PTPRD: variants seen among roughly 807,000 people sequenced by gnomAD.
PTPRD encodes the protein receptor-type tyrosine-protein phosphatase delta.
PTPRD carries 34 observed loss-of-function variants against 214.5 expected under a neutral mutation model. The observed-to-expected ratio is 0.16, with a 90% CI of 0.12 to 0.21. The LOEUF is 0.21. Ranked by LOEUF, PTPRD falls within the 10% of genes least tolerant of loss-of-function variation. The pLI is 1.00. For synonymous variants in PTPRD, 1,128 were observed against 845.7 expected (o/e 1.33, Z -5.79); for missense variants, 2,545 against 2,398.7 (o/e 1.06, Z -1.27).
chr9:9,370,780 C>A (rs1042615139), intron 9 of PTPRD, among the ~76,000 whole-genome samples: 206 of 150,432 alleles, frequency 1.4e-3, no homozygotes, highest in African/African-American at 4.6e-3. Context: ...TTTTGAGATA[C>A]GTCCCATCAA....
intron 11 of PTPRD, among the ~76,000 whole-genome samples, chr9:8,927,124 A>G (rs867417103): frequency 2.0e-5 from 3 of 152,204 alleles, no homozygotes; most frequent in Non-Finnish European, 4.4e-5. Context: ...CATAAAAAAA[A>G]GGCAAAATTC....
intron 5 of PTPRD, among the ~76,000 whole-genome samples, chr9:9,777,567 A>T (rs1338568544): frequency 1.3e-5 from 2 of 152,044 alleles, no homozygotes; most frequent in Non-Finnish European, 2.9e-5. Flanking sequence ...TTATGGTGGC[A>T]CATGCCTGTT....
intron 5 of PTPRD, among the ~76,000 whole-genome samples, chr9:9,928,037 A>G (rs920017972): frequency 6.6e-6 from 1 of 152,152 alleles, no homozygotes; most frequent in Non-Finnish European, 1.5e-5. Context: ...ACTCTGCTTC[A>G]TGTGAACAAC....
chr9:8,919,344 G>C (rs184929346), intron 11 of PTPRD, among the ~76,000 whole-genome samples: 1 of 148,826 alleles, frequency 6.7e-6, no homozygotes, highest in East Asian at 2.0e-4. Context: ...GTGAGCCGAG[G>C]CTATGCCACT....
rs2093133995 is a variant in PTPRD at position 8,748,535 on chromosome 9, A to AAAAAG, written c.-103-14590_-103-14589insCTTTT. On this transcript the variant is annotated intron_variant, in intron 11 of 45. Transcript: ENST00000381196. ...ATCCTGCAACTGCAAAAAAAAAAAA[A>AAAAAG]AAAAAGAAAAAGAAAAAGAAAAAGA... Among the ~76,000 whole-genome samples, 3 of 122,300 alleles carry AAAAAG rather than the reference A, an allele frequency of 2.5e-5. 1 individual carries two copies. Among genetic ancestry groups the AAAAAG allele is most frequent in the African/African-American group, 6.3e-5 (2 of 31,808 alleles). 80.2% of individuals were successfully genotyped at this position (122,300 alleles called of 152,430 possible). A position where few individuals can be genotyped will look rare whatever the true frequency, so the allele number is the denominator to read the frequency against.
At chr9:9,713,828 T>A (rs1405588920) in intron 7 of PTPRD, among the ~76,000 whole-genome samples, 1 of 152,122 alleles carries the variant, frequency 6.6e-6, no homozygotes, top group East Asian at 1.9e-4. Context: ...ATGTTACAAT[T>A]CAGGGCTTTG....
intron 12 of PTPRD, among the ~76,000 whole-genome samples, chr9:8,665,986 C>G (rs1485487914): frequency 6.6e-6 from 1 of 150,782 alleles, no homozygotes; most frequent in Admixed American, 6.6e-5. Flanking sequence ...AACTAAAGAA[C>G]TGAACAATTA....
chr9:9,207,518 C>T (rs547413403), intron 9 of PTPRD, among the ~76,000 whole-genome samples: 99 of 152,188 alleles, frequency 6.5e-4, no homozygotes, highest in African/African-American at 2.3e-3. Context: ...ACTGACAAAA[C>T]TCCCAAAATC....
chr9:10,562,811 A>G (rs961244616), intron 2 of PTPRD, among the ~76,000 whole-genome samples: 8 of 152,176 alleles, frequency 5.3e-5, no homozygotes, highest in African/African-American at 1.9e-4. Context: ...TCATGTGACT[A>G]TAAGCACATT....
In PTPRD at chr9:8,627,873, C is replaced by G. The variant is rs1178227365; in HGVS notation, c.352+5444G>C. 2.0e-5 allele frequency among the ~76,000 whole-genome samples: 3 copies of G among 151,828 alleles called. No homozygotes were observed. In the South Asian group the frequency reaches 6.2e-4, roughly 32 times the overall value. On this transcript the variant is annotated intron_variant, in intron 14 of 45. Coordinates refer to ENST00000381196, the MANE Select transcript of PTPRD (RefSeq NM_002839.4). ...AGATTACACCAACGAAAGTCAGGAG[C>G]GTCTGTTCACTTAAAGTGGCTCTGC...
intron 11 of PTPRD, among the ~76,000 whole-genome samples, chr9:8,946,245 G>A (rs1451208973): frequency 2.0e-5 from 3 of 152,046 alleles, no homozygotes; most frequent in Admixed American, 2.0e-4. Context: ...TTTAGTGTCA[G>A]TTTGTATTCT....
At chr9:9,934,810 T>G (rs2088508354) in intron 5 of PTPRD, among the ~76,000 whole-genome samples, 1 of 151,976 alleles carries the variant, frequency 6.6e-6, no homozygotes, top group South Asian at 2.1e-4. Context: ...TGATGAATAT[T>G]GATGCAAAAA....
At position 9,608,578 on chromosome 9, in the gene PTPRD, A is replaced by G. The variant is rs556051703; in HGVS notation, c.-286-33797T>C. ...TCTAACCAACTATTTAGTGAATAGA[A>G]GGTAGACATGTAGAAGAACAAAATG... On this transcript the variant is annotated intron_variant, in intron 7 of 45. Coordinates refer to ENST00000381196, the MANE Select transcript of PTPRD (RefSeq NM_002839.4). Among the ~76,000 whole-genome samples the G allele has an allele frequency of 2.0e-5, 3 of 152,332 alleles. No homozygotes were observed. In the East Asian group the frequency reaches 5.8e-4, roughly 29 times the overall value.
At chr9:10,343,567 G>A (rs893520879) in intron 2 of PTPRD, among the ~76,000 whole-genome samples, 2 of 152,058 alleles carry the variant, frequency 1.3e-5, no homozygotes, top group African/African-American at 4.8e-5. Flanking sequence ...TCTTCCACAT[G>A]ATTGAACTAA....
intron 9 of PTPRD, among the ~76,000 whole-genome samples, chr9:9,309,168 G>A (rs561151700): frequency 1.3e-5 from 2 of 151,354 alleles, no homozygotes; most frequent in South Asian, 2.1e-4. Flanking sequence ...TGTCTAAGAT[G>A]TAGCCCTAGA....
chr9:9,625,653 A>G (rs1160162240), intron 7 of PTPRD, among the ~76,000 whole-genome samples: 1 of 151,982 alleles, frequency 6.6e-6, no homozygotes, highest in Admixed American at 6.6e-5. Context: ...GATAGTCACC[A>G]TTTTGTATAA....
intron 2 of PTPRD, among the ~76,000 whole-genome samples, chr9:10,411,324 A>G (rs761243809): frequency 1.3e-5 from 2 of 151,804 alleles, no homozygotes; most frequent in South Asian, 2.1e-4. Flanking sequence ...TAAAGGAATT[A>G]TAACTTGTAG....
At chr9:10,037,263 T>A (rs1214407018) in intron 3 of PTPRD, among the ~76,000 whole-genome samples, 4 of 152,014 alleles carry the variant, frequency 2.6e-5, no homozygotes, top group African/African-American at 9.7e-5. Context: ...TAATCCTCAA[T>A]GTTGGAGGTG....
chr9:10,267,980 TA>T (rs1281206063), intron 3 of PTPRD, among the ~76,000 whole-genome samples: 2 of 152,122 alleles, frequency 1.3e-5, no homozygotes, highest in East Asian at 1.9e-4. Flanking sequence ...AAAAATATGC[TA>T]AAAAAATAGT....
Sources: gnomAD v4.1 joint callset for allele counts (sites outside exome capture counted in the v4.1 genomes callset) on GRCh38, gnomAD v4.1.1 for gene constraint, MANE v1.5 for transcripts, NCBI Gene and HGNC (gene_info 2026-07-23, HGNC 2026-07-21) for gene names.